Variants in ADGRL3 observed in about 807,000 individuals in gnomAD.
ADGRL3 encodes the protein calcium-independent alpha-latrotoxin receptor 3.
In ADGRL3, 62 loss-of-function variants were observed where a neutral mutation model predicts 153.5. The observed-to-expected ratio is 0.40, with a 90% CI of 0.33 to 0.50. The LOEUF (loss-of-function observed/expected upper bound fraction) is 0.50. ADGRL3 is among the 20% of genes least tolerant of loss of function. The probability of loss-of-function intolerance (pLI) is 0.47; values close to 1 mark genes in which losing one functional copy is unlikely to be tolerated. For missense variants in ADGRL3, 1,641 were observed against 1,859.4 expected, an observed-to-expected ratio of 0.88 and a Z score of 2.16; for synonymous variants, 710 against 672.5, an observed-to-expected ratio of 1.06 and a Z score of -0.86.
chr4:61,336,637 C>T lies in ADGRL3; in HGVS notation c.-239-46487C>T, dbSNP rs141467882. ...GGCTCATTACGCCTTTCAGTTTATT[C>T]GTTTGTTGGTCCTCTGTCAACCTGC... On this transcript the variant is annotated intron_variant, in intron 1 of 26. Coordinates refer to ENST00000683033, the MANE Select transcript of ADGRL3 (RefSeq NM_001387552.1). Among the ~76,000 whole-genome samples the T allele has an allele frequency of 2.2e-3, 341 of 151,856 alleles. 5 individuals are homozygous for T. The highest frequency in any genetic ancestry group is 7.9e-3 in the African/African-American group (326 of 41,410).
chr4:61,658,009 C>G (rs1431350933), intron 5 of ADGRL3, among the ~76,000 whole-genome samples: 2 of 152,088 alleles, frequency 1.3e-5, no homozygotes, highest in African/African-American at 4.8e-5. Flanking sequence ...TTACTGTATG[C>G]AAATCAACAC....
intron 25 of ADGRL3, chr4:62,063,553 G>A (rs1447541450): frequency 1.4e-6 from 1 of 699,784 alleles, no homozygotes. Context: ...CGTCCGCATG[G>A]TACTAACAAT....
intron 1 of ADGRL3, among the ~76,000 whole-genome samples, chr4:61,374,657 A>G (rs2096582718): frequency 6.6e-6 from 1 of 152,174 alleles, no homozygotes; most frequent in Non-Finnish European, 1.5e-5. Context: ...CAGAATGGCA[A>G]TGCAATGGAA....
At chr4:61,674,118 T>C (rs1351827130) in intron 5 of ADGRL3, among the ~76,000 whole-genome samples, 1 of 149,732 alleles carries the variant, frequency 6.7e-6, no homozygotes, top group Non-Finnish European at 1.5e-5. Context: ...CTTCATAATA[T>C]ATAATATGTA....
chr4:61,649,813 T>G (rs1161321466), intron 5 of ADGRL3, among the ~76,000 whole-genome samples: 1 of 152,136 alleles, frequency 6.6e-6, no homozygotes, highest in Admixed American at 6.6e-5. Context: ...AGTTATTACC[T>G]CTACAAAATA....
At chr4:61,837,514 T>C (rs1297443169) in intron 9 of ADGRL3, among the ~76,000 whole-genome samples, 1 of 152,150 alleles carries the variant, frequency 6.6e-6, no homozygotes, top group Non-Finnish European at 1.5e-5. Flanking sequence ...TGTTCATCTA[T>C]ACAGGTATGA....
chr4:61,428,845 A>G (rs905155396), intron 2 of ADGRL3, among the ~76,000 whole-genome samples: 3 of 118,670 alleles, frequency 2.5e-5, no homozygotes, highest in African/African-American at 5.6e-5. Context: ...CTATCTATCT[A>G]TCTATCTATC....
chr4:61,980,868 A>G (rs1034696369), intron 18 of ADGRL3, among the ~76,000 whole-genome samples: 1 of 152,098 alleles, frequency 6.6e-6, no homozygotes, highest in Admixed American at 6.5e-5. Context: ...CTACTCACCT[A>G]CTGAAGGACA....
intron 25 of ADGRL3, among the ~76,000 whole-genome samples, chr4:62,045,399 G>A (rs1164769529): frequency 2.0e-5 from 3 of 151,942 alleles, no homozygotes; most frequent in Non-Finnish European, 2.9e-5. Context: ...TGGGAAGGAG[G>A]CATTTGCATG....
intron 11 of ADGRL3, among the ~76,000 whole-genome samples, chr4:61,906,979 C>T (rs2098698812): frequency 6.6e-6 from 1 of 152,028 alleles, no homozygotes. Flanking sequence ...TTTATGTTCC[C>T]ATGTTCTGTG....
chr4:61,882,902 C>T (rs941674920), intron 9 of ADGRL3, among the ~76,000 whole-genome samples: 7 of 152,100 alleles, frequency 4.6e-5, no homozygotes, highest in Admixed American at 2.0e-4. Flanking sequence ...GTCAGGAGTT[C>T]AAGACCAGCC....
chr4:61,521,741 A>G (rs1476226449), intron 4 of ADGRL3, among the ~76,000 whole-genome samples: 1 of 152,096 alleles, frequency 6.6e-6, no homozygotes, highest in Non-Finnish European at 1.5e-5. Flanking sequence ...ATTATAAATG[A>G]GTGTACCATT....
intron 2 of ADGRL3, among the ~76,000 whole-genome samples, chr4:61,484,688 G>A (rs916521336): frequency 2.0e-5 from 3 of 152,088 alleles, no homozygotes; most frequent in Non-Finnish European, 2.9e-5. Context: ...ATTCTACTAA[G>A]TTATATGCAT....
chr4:61,654,316 A>T lies in ADGRL3; in HGVS notation c.474-22510A>T, dbSNP rs532472725. ...ATTTTTTCTTAACATTAAAAATTTT[A>T]CAAAACTCTATATCAAATTTGGATA... On this transcript the variant is annotated intron_variant, in intron 5 of 26. Transcript: ENST00000683033. Among the ~76,000 whole-genome samples, 8 of 152,208 alleles carry T rather than the reference A, an allele frequency of 5.3e-5. No homozygotes were observed. The South Asian group carries it at 1.7e-3, about 31-fold the overall frequency.
intron 2 of ADGRL3, among the ~76,000 whole-genome samples, chr4:61,402,624 C>G (rs576606955): frequency 5.0e-4 from 76 of 151,860 alleles, no homozygotes; most frequent in Admixed American, 1.1e-3. Flanking sequence ...GCTTTGCTGC[C>G]CAGAGAGGGG....
At chr4:61,974,568 G>A (rs2099041379) in intron 17 of ADGRL3, among the ~76,000 whole-genome samples, 1 of 152,108 alleles carries the variant, frequency 6.6e-6, no homozygotes, top group African/African-American at 2.4e-5. Context: ...CATATATTAT[G>A]TGAATTACTT....
At chr4:61,291,264 T>C (rs1172221761) in intron 1 of ADGRL3, among the ~76,000 whole-genome samples, 2 of 148,976 alleles carry the variant, frequency 1.3e-5, no homozygotes. Flanking sequence ...CATTCATGAA[T>C]TCAACCAACC....
chr4:61,772,181 A>G (rs2097094542), intron 8 of ADGRL3, among the ~76,000 whole-genome samples: 2 of 152,218 alleles, frequency 1.3e-5, no homozygotes, highest in African/African-American at 4.8e-5. Flanking sequence ...TCAAAGGAAT[A>G]ATTCTTACAA....
intron 9 of ADGRL3, among the ~76,000 whole-genome samples, chr4:61,815,757 A>G (rs1181473048): frequency 6.6e-6 from 1 of 152,198 alleles, no homozygotes; most frequent in Non-Finnish European, 1.5e-5. Flanking sequence ...ATGACCTTAT[A>G]AAAGGCCTAG....
Sources: allele counts gnomAD v4.1 joint callset (sites outside exome capture counted in the v4.1 genomes callset), GRCh38; gene constraint gnomAD v4.1.1; transcripts MANE v1.5; gene names NCBI Gene and HGNC (gene_info 2026-07-23, HGNC 2026-07-21).